Variants in ANKS1B observed in about 807,000 individuals in gnomAD.
ANKS1B encodes the protein ankyrin repeat and sterile alpha motif domain-containing protein 1B.
Under a neutral mutation model 148.3 loss-of-function variants are expected in ANKS1B, and 36 were observed. That is an observed-to-expected ratio of 0.24 (90% CI 0.19 to 0.32). The LOEUF is 0.32. Ranked by LOEUF, ANKS1B falls within the 10% of genes least tolerant of loss-of-function variation. The pLI, the probability that ANKS1B is intolerant of heterozygous loss-of-function variation, is 1.00. For missense variants in ANKS1B, 1,157 were observed against 1,542.6 expected (o/e 0.75, Z 4.19); for synonymous variants, 542 against 560.8 (o/e 0.97, Z 0.47).
At chr12:99,197,701 A>C (rs2153892606) in intron 14 of ANKS1B, among the ~76,000 whole-genome samples, 2 of 152,282 alleles carry the variant, frequency 1.3e-5, no homozygotes, top group African/African-American at 4.8e-5. Flanking sequence ...AGAGGCTACA[A>C]ATCAAGAAAT....
At chr12:99,968,079 A>G (rs1362725089) in intron 1 of ANKS1B, among the ~76,000 whole-genome samples, 1 of 152,164 alleles carries the variant, frequency 6.6e-6, no homozygotes, top group Non-Finnish European at 1.5e-5. Flanking sequence ...AAAGGAAGAA[A>G]GGCTAAGCAA....
rs190917114 is a variant in ANKS1B at position 99,141,696 on chromosome 12, T to A, written c.2526+12593A>T. ...CGGGCAGTGTTTGGTTTTCTGTTCC[T>A]GTGTTAGTTTGCTGAGGATAATGGC... On this transcript the variant is annotated intron_variant, in intron 15 of 26. Transcript: ENST00000683438. 7.2e-3 allele frequency among the ~76,000 whole-genome samples: 1,099 copies of A among 152,164 alleles called. 7 individuals are homozygous for A. Among genetic ancestry groups the A allele is most frequent in the Middle Eastern group, 0.027 (8 of 294 alleles).
chr12:99,213,536 T>C (rs1247331530), intron 14 of ANKS1B, among the ~76,000 whole-genome samples: 1 of 152,180 alleles, frequency 6.6e-6, no homozygotes, highest in Non-Finnish European at 1.5e-5. Context: ...ACCTTTGAAG[T>C]ACTTACAAAG....
chr12:99,222,935 G>C (rs879790296), intron 14 of ANKS1B, among the ~76,000 whole-genome samples: 2 of 152,062 alleles, frequency 1.3e-5, no homozygotes, highest in Non-Finnish European at 1.5e-5. Context: ...CATTTTCTTT[G>C]CCTACAAGCA....
chr12:98,771,882 T>A (rs2098586804), intron 25 of ANKS1B, among the ~76,000 whole-genome samples: 1 of 152,208 alleles, frequency 6.6e-6, no homozygotes, highest in Non-Finnish European at 1.5e-5. Flanking sequence ...ACTGCAGATT[T>A]GTATGAGGCA....
At chr12:99,224,197 T>C (rs911665189) in intron 14 of ANKS1B, among the ~76,000 whole-genome samples, 1 of 152,100 alleles carries the variant, frequency 6.6e-6, no homozygotes, top group Non-Finnish European at 1.5e-5. Context: ...TTCAATTGCA[T>C]GGAGAAAAAA....
intron 14 of ANKS1B, among the ~76,000 whole-genome samples, chr12:99,201,686 T>C (rs1000033640): frequency 6.6e-6 from 1 of 152,156 alleles, no homozygotes; most frequent in Non-Finnish European, 1.5e-5. Context: ...GGAAGCCAAG[T>C]AGTAAACAGT....
chr12:99,297,910 T>C (rs911952073), intron 12 of ANKS1B, among the ~76,000 whole-genome samples: 3 of 152,150 alleles, frequency 2.0e-5, no homozygotes. Flanking sequence ...GATACCTTTT[T>C]TTTTTGCTTT....
At chr12:99,516,054 T>C (rs1213463907) in intron 9 of ANKS1B, among the ~76,000 whole-genome samples, 1 of 152,148 alleles carries the variant, frequency 6.6e-6, no homozygotes, top group Non-Finnish European at 1.5e-5. Context: ...TTTTATATTC[T>C]AGTTATCACC....
At chr12:99,567,491 A>T (rs1284402884) in intron 9 of ANKS1B, among the ~76,000 whole-genome samples, 1 of 152,050 alleles carries the variant, frequency 6.6e-6, no homozygotes, top group Non-Finnish European at 1.5e-5. Flanking sequence ...TATAGATAAT[A>T]TTTTTTTCTA....
At chr12:98,817,859 C>T (rs1000549763) in intron 19 of ANKS1B, among the ~76,000 whole-genome samples, 20 of 152,164 alleles carry the variant, frequency 1.3e-4, no homozygotes, top group African/African-American at 4.8e-4. Context: ...GTGACCTTCC[C>T]CTGTGCCTGT....
chr12:99,856,450 C>A (rs1396165474), intron 1 of ANKS1B, among the ~76,000 whole-genome samples: 1 of 150,778 alleles, frequency 6.6e-6, no homozygotes, highest in Non-Finnish European at 1.5e-5. Flanking sequence ...CAGGACCAAT[C>A]AGACATTTAA....
At chr12:99,148,640 T>C (rs1431258295) in intron 15 of ANKS1B, among the ~76,000 whole-genome samples, 2 of 152,154 alleles carry the variant, frequency 1.3e-5, no homozygotes, top group East Asian at 1.9e-4. Flanking sequence ...ACTCATTAGA[T>C]TGATTTTACA....
At chr12:98,954,832 A>G (rs2099859729) in intron 17 of ANKS1B, among the ~76,000 whole-genome samples, 1 of 152,158 alleles carries the variant, frequency 6.6e-6, no homozygotes, top group Non-Finnish European at 1.5e-5. Flanking sequence ...TTCTGTCAAC[A>G]GACTAAAAGA....
intron 15 of ANKS1B, among the ~76,000 whole-genome samples, chr12:99,100,761 C>G (rs1014087086): frequency 2.0e-5 from 3 of 152,202 alleles, no homozygotes; most frequent in African/African-American, 7.2e-5. Context: ...AACTCCTGAC[C>G]TCAAATGATC....
At chr12:99,291,246 A>C (rs1031149328) in intron 12 of ANKS1B, among the ~76,000 whole-genome samples, 4 of 152,166 alleles carry the variant, frequency 2.6e-5, no homozygotes, top group Non-Finnish European at 4.4e-5. Flanking sequence ...AGGACACACA[A>C]AAAAATGGAA....
At chr12:99,097,666 G>A (rs1169854581) in intron 15 of ANKS1B, among the ~76,000 whole-genome samples, 6 of 152,162 alleles carry the variant, frequency 3.9e-5, no homozygotes, top group Non-Finnish European at 7.4e-5. Context: ...TAATAGAGTT[G>A]TGTTTGTCTA....
intron 11 of ANKS1B, among the ~76,000 whole-genome samples, chr12:99,413,914 G>A (rs989293662): frequency 3.9e-5 from 6 of 151,926 alleles, no homozygotes; most frequent in African/African-American, 1.2e-4. Flanking sequence ...GCCCTCACCC[G>A]GTGCACCACC....
Position 98,782,126 on chromosome 12 carries a change from C to G in ANKS1B, c.3354G>C (p.Gln1118His). The G allele has an allele frequency of 6.3e-7, 1 of 1,599,734 alleles. No individual in the cohort carries two copies. The change falls in exon 23 of 27, where the codon CAG (glutamine) becomes CAC (histidine). Residue 1118 changes from glutamine (Q) to histidine (H), a missense_variant and splice_region_variant. Gln to His is a conservative substitution (Grantham distance 24). Transcript: ENST00000683438. ...DACAKMRANC[Q>H]KSTEQMKKVP... The stretch of plus-strand genomic sequence containing the variant: ...ACACTAAACATCAAGAAGAACCTAC[C>G]TGACAGTTAGCCTGGTGGATTTTCC...
Sources: gnomAD v4.1 joint callset for allele counts (sites outside exome capture counted in the v4.1 genomes callset) on GRCh38, gnomAD v4.1.1 for gene constraint, MANE v1.5 for transcripts, NCBI Gene and HGNC (gene_info 2026-07-23, HGNC 2026-07-21) for gene names.